DEPDC5: variants seen among roughly 807,000 people sequenced by gnomAD.
The protein encoded by DEPDC5 is GATOR1 complex protein DEPDC5.
DEPDC5 carries 73 observed loss-of-function variants against 217.3 expected under a neutral mutation model. That is an observed-to-expected ratio of 0.34 (90% CI 0.28 to 0.41). DEPDC5 has a LOEUF of 0.41. Among genes scored for constraint, DEPDC5 ranks in the 10% least tolerant of loss-of-function variants. The probability of loss-of-function intolerance (pLI) is 1.00; values close to 1 mark genes in which losing one functional copy is unlikely to be tolerated. For synonymous variants in DEPDC5, 733 were observed against 756.7 expected (o/e 0.97, Z 0.51); for missense variants, 1,675 against 2,070.1 (o/e 0.81, Z 3.70).
chr22:31,876,100 G>A (rs771187257), intron 36 of DEPDC5, 57 bp from the exon 37 acceptor site: 116 of 1,522,978 alleles, frequency 7.6e-5, no homozygotes, highest in Non-Finnish European at 1.0e-4. Flanking sequence ...ATGACTGAGG[G>A]CTGCCCCTTC....
At chr22:31,778,860 G>C (rs2084146893) in intron 8 of DEPDC5, among the ~76,000 whole-genome samples, 1 of 152,118 alleles carries the variant, frequency 6.6e-6, no homozygotes, top group Admixed American at 6.6e-5. Context: ...GGGTGATTTT[G>C]CTCCCTTCAG....
Position 31,874,316 on chromosome 22 carries a change from T to C in DEPDC5, c.3607T>C (p.Tyr1203His). The C allele has an allele frequency of 6.2e-7, 1 of 1,609,584 alleles. No homozygotes were observed. The highest frequency in any genetic ancestry group is 1.1e-5 in the South Asian group (1 of 89,950). ...CTCTGAACAGAAGGGCCTCTCACCG[T>C]ACTGCTTCATCAGCGCGGAGGTGGT... ...LLSEQKGLSP[Y>H]CFISAEVVHW... Residue 1203 changes from tyrosine (Y) to histidine (H), a missense_variant, in exon 36 of 43, where the codon TAC (tyrosine) becomes CAC (histidine). Transcript: ENST00000651528.
Position 31,833,971 on chromosome 22 carries a change from C to G in DEPDC5, c.2161C>G (p.Pro721Ala). 1.2e-6 allele frequency: 2 copies of G among 1,613,622 alleles called. No homozygotes were observed. Among genetic ancestry groups the G allele is most frequent in the East Asian group, 4.5e-5 (2 of 44,876 alleles). ...DSLEDSVSTS[P>A]DPILTLSAPP... The stretch of plus-strand genomic sequence containing the variant: ...TCTAGAGGACAGTGTTTCTACCTCT[C>G]CAGACCCAAGTAAGAGGGGGCAGCT... The change falls in exon 25 of 43, where the codon CCA (proline) becomes GCA (alanine). Residue 721 changes from proline to alanine, a missense_variant. Physicochemically the swap from Pro to Ala is conservative, Grantham distance 27. This residue lies in a region of DEPDC5 where 136 missense variants were observed against 132.2 expected (regional missense o/e 1.03). Coordinates refer to ENST00000651528, the MANE Select transcript of DEPDC5 (RefSeq NM_001242896.3).
intron 14 of DEPDC5, among the ~76,000 whole-genome samples, chr22:31,800,849 A>AC (rs1479869143): frequency 6.6e-6 from 1 of 151,728 alleles, no homozygotes; most frequent in East Asian, 1.9e-4. Context: ...GGTGGCGCAC[A>AC]CCTGTAATCT....
rs1221449818 is a variant in DEPDC5 at position 31,876,256 on chromosome 22, C to A, written c.3796C>A (p.Pro1266Thr). The change falls in exon 37 of 43, where the codon CCC (proline) becomes ACC (threonine). Residue 1266 changes from proline (P) to threonine (T), a missense_variant. Coordinates refer to ENST00000651528, the MANE Select transcript of DEPDC5 (RefSeq NM_001242896.3). ...CTACAAGATAGTAACGGACAAAGAG[C>A]CCGACCGAGGTTAGAGCCGAGGCGA... ...YFYKIVTDKE[P>T]DRVAMQQPAT... 2 of 1,613,402 alleles carry A rather than the reference C, an allele frequency of 1.2e-6. No individual in the cohort carries two copies. Among genetic ancestry groups the A allele is most frequent in the East Asian group, 4.5e-5 (2 of 44,890 alleles).
intron 29 of DEPDC5, 142 bp downstream of exon 29, chr22:31,843,954 G>A (rs1044414785): frequency 1.7e-5 from 16 of 965,148 alleles, no homozygotes; most frequent in South Asian, 5.0e-5. Flanking sequence ...GACTGGGCGC[G>A]GTGGCTCATG....
Position 31,878,158 on chromosome 22 carries a change from G to T in DEPDC5, c.3806-1367G>T, listed in dbSNP as rs529270665. 5.9e-5 allele frequency among the ~76,000 whole-genome samples: 9 copies of T among 151,422 alleles called. No homozygotes were observed. The South Asian group carries it at 1.9e-3, about 32-fold the overall frequency. ...GCCAAGATCATGCCACTGCACTCCA[G>T]CTTCGTGACAGAGCGAGACTCCATC... On this transcript the variant is annotated intron_variant, in intron 37 of 42. Coordinates refer to ENST00000651528, the MANE Select transcript of DEPDC5 (RefSeq NM_001242896.3).
intron 27 of DEPDC5, among the ~76,000 whole-genome samples, chr22:31,842,575 CAAAAAAAAAA>C (rs56671305): frequency 2.7e-5 from 2 of 73,508 alleles, no homozygotes; most frequent in African/African-American, 4.8e-5. Flanking sequence ...AACTCCATCT[CAAAAAAAAAA>C]AAAAAAAAAG....
intron 35 of DEPDC5, 86 bp from the exon 36 acceptor site, chr22:31,874,187 G>T: frequency 6.6e-7 from 1 of 1,521,910 alleles, no homozygotes. Context: ...GCTCTAGTGG[G>T]AGTCCCTTCT....
At chr22:31,877,436 CAAA>C (rs71184527) in intron 37 of DEPDC5, among the ~76,000 whole-genome samples, 746 of 20,492 alleles carry the variant, frequency 0.036, no homozygotes, top group South Asian at 0.064. Flanking sequence ...GACTCCATCT[CAAA>C]AAAAAAAAAA....
chr22:31,782,203 T>C (rs969811246), intron 8 of DEPDC5, among the ~76,000 whole-genome samples: 6 of 151,574 alleles, frequency 4.0e-5, no homozygotes, highest in Admixed American at 6.6e-5. Flanking sequence ...AGTGGTATGA[T>C]CTTGGCTCAC....
intron 35 of DEPDC5, 34 bp from the exon 36 acceptor site, chr22:31,874,239 T>C: frequency 6.4e-7 from 1 of 1,571,392 alleles, no homozygotes; most frequent in Non-Finnish European, 8.6e-7. Flanking sequence ...GGCACACACA[T>C]CCCCTGCTCC....
intron 41 of DEPDC5, among the ~76,000 whole-genome samples, chr22:31,902,450 A>G (rs1351654132): frequency 6.8e-6 from 1 of 146,214 alleles, no homozygotes; most frequent in Non-Finnish European, 1.5e-5. Context: ...ATATATACTC[A>G]TACAACCACA....
rs755620721 is a variant in DEPDC5, at chr22:31,838,634, G to A, written c.2355-51G>A. 2.9e-5 allele frequency: 46 copies of A among 1,598,520 alleles called. No homozygotes were observed. The East Asian group carries it at 8.7e-4, about 30-fold the overall frequency. On this transcript the variant is annotated intron_variant, in intron 26 of 42. Coordinates refer to ENST00000651528, the MANE Select transcript of DEPDC5 (RefSeq NM_001242896.3). ...ATGATGAGACTGTGCACTCTTAAGT[G>A]TCACTGTCTCGGGCCAAGCATCTGT...
chr22:31,899,773 C>T (rs1333555379), intron 40 of DEPDC5, among the ~76,000 whole-genome samples: 1 of 152,206 alleles, frequency 6.6e-6, no homozygotes, highest in Non-Finnish European at 1.5e-5. Flanking sequence ...AAAACCACCG[C>T]AGGCACTCTT....
chr22:31,792,649 T>G (rs1217647369), intron 11 of DEPDC5, 96 bp from the exon 12 acceptor site: 4 of 888,438 alleles, frequency 4.5e-6, no homozygotes, highest in Admixed American at 6.1e-5. Context: ...TATCTTTATT[T>G]TTTTGTGATG....
rs923889038 is a variant in DEPDC5, at chr22:31,859,871, A to G, written c.3265-1497A>G. Among the ~76,000 whole-genome samples the G allele has an allele frequency of 4.6e-5, 7 of 152,212 alleles. No homozygotes were observed. The East Asian group carries it at 1.3e-3, about 29-fold the overall frequency. Reference sequence around the variant, plus strand: ...TTTTCACCTGAACTCCTTCACATGTACATAAACCTCAACACCATCAGCACC... The same window carrying G: ...TTTTCACCTGAACTCCTTCACATGTGCATAAACCTCAACACCATCAGCACC... On this transcript the variant is annotated intron_variant, in intron 32 of 42. Coordinates refer to ENST00000651528, the MANE Select transcript of DEPDC5 (RefSeq NM_001242896.3).
chr22:31,846,171 G>A (rs1219871064), intron 30 of DEPDC5, among the ~76,000 whole-genome samples: 1 of 152,108 alleles, frequency 6.6e-6, no homozygotes, highest in Non-Finnish European at 1.5e-5. Flanking sequence ...AACCACTGGT[G>A]TGTTCCTTAT....
intron 16 of DEPDC5, 81 bp downstream of exon 16, chr22:31,804,304 C>T (rs1372077132): frequency 2.2e-6 from 3 of 1,338,144 alleles, no homozygotes; most frequent in African/African-American, 1.4e-5. Flanking sequence ...CTGTGGCATG[C>T]ACTTATAGTC....
Sources: allele counts gnomAD v4.1 joint callset (sites outside exome capture counted in the v4.1 genomes callset), GRCh38; gene constraint gnomAD v4.1.1; regional missense constraint gnomAD v4.1.1; transcripts MANE v1.5; gene names NCBI Gene and HGNC (gene_info 2026-07-23, HGNC 2026-07-21).